TPST1: variants seen among roughly 807,000 people sequenced by gnomAD.
The protein encoded by TPST1 is protein-tyrosine sulfotransferase 1.
A neutral mutation model predicts 34.8 loss-of-function variants in TPST1; 20 were observed. The observed-to-expected ratio is 0.57, with a 90% CI of 0.40 to 0.84. The LOEUF (loss-of-function observed/expected upper bound fraction) is 0.84, where lower values mean the gene tolerates loss of function less well. Among genes scored for constraint, TPST1 ranks in the 40% least tolerant of loss-of-function variants. The pLI is 0.00. For synonymous variants in TPST1, 152 were observed against 159.4 expected (o/e 0.95, Z 0.35); for missense variants, 353 against 455.5 (o/e 0.78, Z 2.05).
At chr7:66,298,342 A>G (rs1036878696) in intron 3 of TPST1, among the ~76,000 whole-genome samples, 2 of 152,206 alleles carry the variant, frequency 1.3e-5, no homozygotes, top group African/African-American at 4.8e-5. Context: ...GAACACACCC[A>G]TTTAGACCTT....
At chr7:66,281,845 T>C (rs1181559784) in intron 2 of TPST1, among the ~76,000 whole-genome samples, 2 of 152,194 alleles carry the variant, frequency 1.3e-5, no homozygotes, top group Non-Finnish European at 2.9e-5. Flanking sequence ...TCGTGGAAGA[T>C]CCATGCTTAA....
chr7:66,217,577 C>A (rs973657447), intron 1 of TPST1, among the ~76,000 whole-genome samples: 2 of 152,044 alleles, frequency 1.3e-5, no homozygotes, highest in Non-Finnish European at 2.9e-5. Flanking sequence ...TCTAACACAT[C>A]ATTTATTTAT....
intron 3 of TPST1, among the ~76,000 whole-genome samples, chr7:66,345,749 G>A (rs533767154): frequency 4.6e-5 from 7 of 151,742 alleles, no homozygotes; most frequent in Admixed American, 3.9e-4. Flanking sequence ...ATTTTGATGC[G>A]GGTATACAAT....
chr7:66,352,627 A>G (rs1036300132), intron 4 of TPST1, 72 bp downstream of exon 4: 7 of 1,574,534 alleles, frequency 4.4e-6, no homozygotes, highest in Non-Finnish European at 6.0e-6. Flanking sequence ...TTTTAAAGAG[A>G]TAATGAAATT....
chr7:66,352,333 G>C (rs1299228352), intron 3 of TPST1, among the ~76,000 whole-genome samples, 172 bp from the exon 4 acceptor site: 1 of 152,222 alleles, frequency 6.6e-6, no homozygotes, highest in Admixed American at 6.5e-5. Context: ...AGTGAATGGG[G>C]ATTTCCCTCA....
chr7:66,346,184 C>CATAT (rs35882416), intron 3 of TPST1, among the ~76,000 whole-genome samples: 21 of 149,108 alleles, frequency 1.4e-4, no homozygotes, highest in African/African-American at 2.2e-4. Context: ...CTGAATAGTA[C>CATAT]ATATATATAT....
Position 66,332,033 on chromosome 7 carries a change from G to T in TPST1, c.1045-20472G>T, listed in dbSNP as rs535267265. Among the ~76,000 whole-genome samples the T allele has an allele frequency of 1.4e-4, 21 of 152,194 alleles. No individual in the cohort carries two copies. The highest frequency in any genetic ancestry group is 5.1e-4 in the African/African-American group (21 of 41,508). ...GCTTCTACTGATTCTGCAATATAGT[G>T]AGTTGTGTAATAATTTCACTATATA... On this transcript the variant is annotated intron_variant, in intron 3 of 5. Coordinates refer to ENST00000304842, the MANE Select transcript of TPST1 (RefSeq NM_003596.4). The surrounding 1 kb of genome is among the most constrained non-coding windows in gnomAD (Gnocchi z 4.5).
Position 66,292,628 on chromosome 7 carries a change from C to T in TPST1, c.1044+5919C>T, listed in dbSNP as rs576353900. Among the ~76,000 whole-genome samples the T allele has an allele frequency of 4.9e-5, 6 of 121,640 alleles. 1 individual carries two copies. Among genetic ancestry groups the T allele is most frequent in the Middle Eastern group, 7.3e-3 (2 of 274 alleles). The allele number at this position is 121,640 out of a possible 152,430, so 79.8% of individuals were successfully genotyped here. On this transcript the variant is annotated intron_variant, in intron 3 of 5. Transcript: ENST00000304842. ...TGGGAGTGACCCGATTTTCCAGGTG[C>T]GTCCGTCACCCCTTTCTTTGACTCG...
At chr7:66,344,120 G>C (rs1792294355) in intron 3 of TPST1, among the ~76,000 whole-genome samples, 1 of 152,130 alleles carries the variant, frequency 6.6e-6, no homozygotes, top group Non-Finnish European at 1.5e-5. Flanking sequence ...GAACATGGCG[G>C]GGCCTGGTGG....
At position 66,331,053 on chromosome 7, in the gene TPST1, A is replaced by T. The variant is rs185434471; in HGVS notation, c.1045-21452A>T. ...TCATCCAAGGCTCAGCTGGGAGAGG[A>T]TCTGCCTTCAAGCTCTCTCATGTGA... On this transcript the variant is annotated intron_variant, in intron 3 of 5. Transcript: ENST00000304842. 1.7e-4 allele frequency among the ~76,000 whole-genome samples: 26 copies of T among 152,262 alleles called. No individual in the cohort carries two copies. The East Asian group carries it at 5.0e-3, about 29-fold the overall frequency.
intron 3 of TPST1, among the ~76,000 whole-genome samples, chr7:66,342,677 G>A (rs1792261754): frequency 6.6e-6 from 1 of 152,132 alleles, no homozygotes; most frequent in Admixed American, 6.5e-5. Context: ...GAACACAAAG[G>A]GGAACAGGCA....
At chr7:66,256,527 G>A (rs1790386762) in intron 2 of TPST1, among the ~76,000 whole-genome samples, 1 of 152,190 alleles carries the variant, frequency 6.6e-6, no homozygotes. Flanking sequence ...TAGGTGGAGG[G>A]CCTTAGTTTC....
rs1383821607 is a variant in TPST1, at chr7:66,332,708, G to A, written c.1045-19797G>A. 2.6e-5 allele frequency among the ~76,000 whole-genome samples: 4 copies of A among 152,086 alleles called. No individual in the cohort carries two copies. The highest frequency in any genetic ancestry group is 2.1e-4 in the South Asian group (1 of 4,832). ...TGCTTACATCTGTACTGAACGTGAC[G>A]GACTTTGTCATTATTTCCTAAAAAA... On this transcript the variant is annotated intron_variant, in intron 3 of 5. Transcript: ENST00000304842. This position sits in a 1 kb window ranked among gnomAD's most constrained non-coding sequence, Gnocchi z 4.5.
chr7:66,229,538 T>A (rs1023502602), intron 1 of TPST1, among the ~76,000 whole-genome samples: 1 of 152,234 alleles, frequency 6.6e-6, no homozygotes, highest in African/African-American at 2.4e-5. Context: ...TTATTCAGAT[T>A]AACTCATTGG....
intron 3 of TPST1, among the ~76,000 whole-genome samples, chr7:66,330,276 G>A (rs1242602418): frequency 6.6e-6 from 1 of 152,150 alleles, no homozygotes; most frequent in Non-Finnish European, 1.5e-5. Context: ...TAAAGGAGAG[G>A]CAAGGGAGTT....
At chr7:66,261,518 G>A (rs551886178) in intron 2 of TPST1, among the ~76,000 whole-genome samples, 1 of 152,208 alleles carries the variant, frequency 6.6e-6, no homozygotes, top group East Asian at 1.9e-4. Flanking sequence ...TTGGGCAGCT[G>A]ATGGCTATGT....
chr7:66,309,774 A>C (rs1791494492), intron 3 of TPST1, among the ~76,000 whole-genome samples: 1 of 151,824 alleles, frequency 6.6e-6, no homozygotes, highest in South Asian at 2.1e-4. Context: ...TTTCCCATAT[A>C]CTCTTGTGGG....
chr7:66,330,075 G>C (rs549401255), intron 3 of TPST1, among the ~76,000 whole-genome samples: 26 of 152,222 alleles, frequency 1.7e-4, no homozygotes, highest in African/African-American at 6.3e-4. Flanking sequence ...TAACAAACCT[G>C]CACATGTACC....
At chr7:66,210,506 TC>T (rs1395577499) in intron 1 of TPST1, among the ~76,000 whole-genome samples, 1 of 152,176 alleles carries the variant, frequency 6.6e-6, no homozygotes, top group Non-Finnish European at 1.5e-5. Context: ...GATCGAGGCA[TC>T]CACAGGGATT....
Sources: gnomAD v4.1 joint callset for allele counts (sites outside exome capture counted in the v4.1 genomes callset) on GRCh38, gnomAD v4.1.1 for gene constraint, Gnocchi (gnomAD v3.1) non-coding constraint, MANE v1.5 for transcripts, NCBI Gene and HGNC (gene_info 2026-07-23, HGNC 2026-07-21) for gene names.